FNDC11: variants seen among roughly 807,000 people sequenced by gnomAD.
The protein encoded by FNDC11 is fibronectin type III domain-containing protein 11.
FNDC11 carries 15 observed loss-of-function variants against 15.8 expected under a neutral mutation model. The observed-to-expected ratio is 0.95, with a 90% CI of 0.63 to 1.46. The LOEUF is 1.46. FNDC11 is among the 40% of genes most tolerant of loss of function. The probability of loss-of-function intolerance (pLI) is 0.00; values close to 1 mark genes in which losing one functional copy is unlikely to be tolerated. For synonymous variants in FNDC11, 190 were observed against 203.1 expected (o/e 0.94, Z 0.55); for missense variants, 416 against 443.4 (o/e 0.94, Z 0.55).
Position 63,555,909 on chromosome 20 carries a change from CA to C in FNDC11, c.248del (p.Lys83SerfsTer29), listed in dbSNP as rs1451558278. 5 of 1,608,326 alleles carry C rather than the reference CA, an allele frequency of 3.1e-6. No individual in the cohort carries two copies. The highest frequency in any genetic ancestry group is 1.3e-5 in the African/African-American group (1 of 75,074). ...KCSYYIEVLP[K>X]HLALGDQNPL... The stretch of plus-strand genomic sequence containing the variant: ...GCTCCTACTACATCGAGGTCCTGCC[CA>C]AGCACCTGGCCCTGGGCGACCAGAA... On this transcript the variant is annotated frameshift_variant, in exon 2 of 2. Transcript: ENST00000370097. LOFTEE classifies it high-confidence loss of function.
intron 1 of FNDC11, chr20:63,554,510 G>T (rs569989873): frequency 1.3e-5 from 2 of 152,274 alleles, no homozygotes; most frequent in East Asian, 3.8e-4. Context: ...CGTCACAGAG[G>T]CACGGTTTCC....
At position 63,556,419 on chromosome 20, in the gene FNDC11, G is replaced by A. The variant is rs1471712748; in HGVS notation, c.756G>A (p.Gln252=). 4.3e-6 allele frequency: 7 copies of A among 1,613,222 alleles called. No individual in the cohort carries two copies. The East Asian group carries it at 8.9e-5, about 21-fold the overall frequency. The change falls in exon 2 of 2, where the codon CAG becomes CAA. Residue 252 remains glutamine (Q), a synonymous_variant. Transcript: ENST00000370097. ...LRFRLLDPRT[Q]QECAQCGVIP... ...TCAGGCTGCTGGACCCGCGGACACA[G>A]CAGGAGTGCGCCCAGTGTGGCGTCA...
At chr20:63,555,430 A>C in intron 1 of FNDC11, 1 of 639,064 alleles carries the variant, frequency 1.6e-6, no homozygotes, top group Non-Finnish European at 2.6e-6. Context: ...CCTGTCCCAC[A>C]GGCCACTGGT....
rs374916539 is a variant in FNDC11, at chr20:63,556,158, C to T, written c.495C>T (p.Asp165=). 2.2e-5 allele frequency: 35 copies of T among 1,594,312 alleles called. No homozygotes were observed. Among genetic ancestry groups the T allele is most frequent in the African/African-American group, 6.7e-5 (5 of 74,726 alleles). Residue 165 remains aspartate (D), a synonymous_variant, in exon 2 of 2, where the codon GAC becomes GAT. Coordinates refer to ENST00000370097, the MANE Select transcript of FNDC11 (RefSeq NM_001319152.2). ...DWALVERRLA[D]VSAVMDSFLT... ...CGCTGGTGGAGCGGCGGCTGGCGGA[C>T]GTGTCGGCCGTCATGGACAGCTTCC...
intron 1 of FNDC11, chr20:63,555,230 G>A (rs919520442): frequency 2.3e-5 from 4 of 173,596 alleles, no homozygotes; most frequent in African/African-American, 7.1e-5. Context: ...AGGGAGAACC[G>A]GAGCGGGAGG....
chr20:63,556,210 C>T lies in FNDC11; in HGVS notation c.547C>T (p.His183Tyr). The T allele has an allele frequency of 1.9e-6, 3 of 1,595,078 alleles. No homozygotes were observed. The highest frequency in any genetic ancestry group is 2.6e-6 in the Non-Finnish European group (3 of 1,167,454). Residue 183 changes from histidine to tyrosine, a missense_variant, in exon 2 of 2, where the codon CAC becomes TAC. Physicochemically the swap from His to Tyr is moderately conservative, Grantham distance 83 (BLOSUM62 2). Transcript: ENST00000370097. Reference protein sequence around the residue: ...FLTMMVPGRLHVKHRLVSDVS... With the variant: ...FLTMMVPGRLYVKHRLVSDVS... ...GACCATGATGGTGCCGGGGCGGCTA[C>T]ACGTCAAGCACCGCCTGGTGTCTGA...
Position 63,556,148 on chromosome 20 carries a change from G to A in FNDC11, c.485G>A (p.Arg162Gln), listed in dbSNP as rs771109338. 1.1e-5 allele frequency: 18 copies of A among 1,594,246 alleles called. No individual in the cohort carries two copies. The highest frequency in any genetic ancestry group is 1.7e-4 in the Middle Eastern group (1 of 6,048). ...GCCGACTGGGCGCTGGTGGAGCGGC[G>A]GCTGGCGGACGTGTCGGCCGTCATG... The part of the protein sequence containing the change: ...FLADWALVER[R>Q]LADVSAVMDS... The change falls in exon 2 of 2, where the codon CGG becomes CAG. Residue 162 changes from arginine to glutamine, a missense_variant. By Grantham distance (43) the Arg-to-Gln change is conservative. Coordinates refer to ENST00000370097, the MANE Select transcript of FNDC11 (RefSeq NM_001319152.2).
rs1419907640 is a variant in FNDC11, at chr20:63,555,798, C to A, written c.135C>A (p.Arg45=). ...PEAWKTYTER[R]NALREFLTSD... is the part of the protein sequence containing the mutation. ...CGTGGAAGACCTACACCGAGCGCCG[C>A]AATGCCCTGCGTGAGTTCCTGACCT... The change falls in exon 2 of 2, where the codon CGC becomes CGA. Residue 45 remains arginine (R), a synonymous_variant. Transcript: ENST00000370097. 1.2e-6 allele frequency: 2 copies of A among 1,613,436 alleles called. No individual in the cohort carries two copies. The highest frequency in any genetic ancestry group is 2.7e-5 in the African/African-American group (2 of 74,960).
chr20:63,555,496 C>T, intron 1 of FNDC11, 158 bp from the exon 2 acceptor site: 1 of 1,211,666 alleles, frequency 8.3e-7, no homozygotes, highest in Admixed American at 2.9e-5. Context: ...TGTAGGCTGC[C>T]CATCCAGCCC....
At chr20:63,554,641 GT>G (rs1244563875) in intron 1 of FNDC11, 2 of 152,298 alleles carry the variant, frequency 1.3e-5, no homozygotes, top group Non-Finnish European at 2.9e-5. Flanking sequence ...CCAGGGGCCT[GT>G]TCTCGAGGGA....
chr20:63,555,291 C>T (rs556993922), intron 1 of FNDC11: 15 of 256,076 alleles, frequency 5.9e-5, no homozygotes, highest in South Asian at 5.0e-4. Flanking sequence ...AGGACCACGC[C>T]GTCCCCTCTC....
rs763759346 is a variant in FNDC11 at position 63,556,418 on chromosome 20, A to G, written c.755A>G (p.Gln252Arg). 3.1e-6 allele frequency: 5 copies of G among 1,613,152 alleles called. No individual in the cohort carries two copies. The African/African-American group carries it at 4.0e-5, about 13-fold the overall frequency. ...LRFRLLDPRT[Q>R]QECAQCGVIP... ...TTCAGGCTGCTGGACCCGCGGACAC[A>G]GCAGGAGTGCGCCCAGTGTGGCGTC... The change falls in exon 2 of 2, where the codon CAG becomes CGG. Residue 252 changes from glutamine to arginine, a missense_variant. Gln to Arg is a conservative substitution (Grantham distance 43). Transcript: ENST00000370097.
At position 63,556,311 on chromosome 20, in the gene FNDC11, G is replaced by T; in HGVS notation, c.648G>T (p.Ala216=). The T allele has an allele frequency of 6.2e-7, 1 of 1,606,400 alleles. No homozygotes were observed. Among genetic ancestry groups the T allele is most frequent in the South Asian group, 1.1e-5 (1 of 90,970 alleles). ...TKMPVVFDRK[A]SAAHQDWARL... ...TGCCTGTCGTGTTTGACCGAAAGGC[G>T]TCGGCGGCTCACCAGGACTGGGCCC... Residue 216 remains alanine, a synonymous_variant, in exon 2 of 2, where the codon GCG becomes GCT. Transcript: ENST00000370097.
At position 63,556,145 on chromosome 20, in the gene FNDC11, G is replaced by A. The variant is rs1457030149; in HGVS notation, c.482G>A (p.Arg161Gln). ...CTGGCCGACTGGGCGCTGGTGGAGC[G>A]GCGGCTGGCGGACGTGTCGGCCGTC... is the stretch of plus-strand genomic sequence containing the variant. ...PFLADWALVE[R>Q]RLADVSAVMD... The change falls in exon 2 of 2, where the codon CGG becomes CAG. Residue 161 changes from arginine to glutamine, a missense_variant. Arg to Gln is a conservative substitution (Grantham distance 43, BLOSUM62 1). Transcript: ENST00000370097. The A allele has an allele frequency of 1.9e-5, 31 of 1,593,406 alleles. No individual in the cohort carries two copies. Among genetic ancestry groups the A allele is most frequent in the Non-Finnish European group, 2.6e-5 (30 of 1,172,378 alleles).
chr20:63,556,422 G>T lies in FNDC11; in HGVS notation c.759G>T (p.Gln253His), dbSNP rs753673662. 9.3e-6 allele frequency: 15 copies of T among 1,613,298 alleles called. No homozygotes were observed. The East Asian group carries it at 3.1e-4, about 34-fold the overall frequency. ...RFRLLDPRTQ[Q>H]ECAQCGVIPV... ...GGCTGCTGGACCCGCGGACACAGCA[G>T]GAGTGCGCCCAGTGTGGCGTCATCC... The change falls in exon 2 of 2, where the codon CAG (glutamine) becomes CAT (histidine). Residue 253 changes from glutamine to histidine, a missense_variant. Gln to His is a conservative substitution (Grantham distance 24). Transcript: ENST00000370097.
chr20:63,556,650 T>C lies in FNDC11; in HGVS notation c.*30T>C. ...TGATTTTCTAATATTTATCCACTAA[T>C]AAAGAAGAGTGTAAATGCACATATG... is the stretch of plus-strand genomic sequence containing the variant. On this transcript the variant is annotated 3_prime_UTR_variant, in exon 2 of 2. Coordinates refer to ENST00000370097, the MANE Select transcript of FNDC11 (RefSeq NM_001319152.2). The C allele has an allele frequency of 1.3e-6, 2 of 1,570,540 alleles. No homozygotes were observed. Among genetic ancestry groups the C allele is most frequent in the Non-Finnish European group, 1.7e-6 (2 of 1,149,326 alleles).
chr20:63,556,692 C>T lies in FNDC11; in HGVS notation c.*72C>T, dbSNP rs2082819158. On this transcript the variant is annotated 3_prime_UTR_variant, in exon 2 of 2. Coordinates refer to ENST00000370097, the MANE Select transcript of FNDC11 (RefSeq NM_001319152.2). ...GCACATATGGAATTAAAGAAGCAAA[C>T]CTATTTATGTTTTAAAGGCAGCAGC... 7.1e-7 allele frequency: 1 copy of T among 1,404,288 alleles called. No individual in the cohort carries two copies. Among genetic ancestry groups the T allele is most frequent in the Non-Finnish European group, 9.8e-7 (1 of 1,024,062 alleles). 87.0% of individuals were successfully genotyped at this position (1,404,288 alleles called of 1,614,324 possible).
In FNDC11 at chr20:63,555,912, G is replaced by T. The variant is rs761948273; in HGVS notation, c.249G>T (p.Lys83Asn). The T allele has an allele frequency of 6.2e-7, 1 of 1,608,010 alleles. No individual in the cohort carries two copies. Among genetic ancestry groups the T allele is most frequent in the South Asian group, 1.1e-5 (1 of 91,088 alleles). Residue 83 changes from lysine (K) to asparagine (N), a missense_variant, in exon 2 of 2, where the codon AAG becomes AAT. Lys to Asn is a moderately conservative substitution (Grantham distance 94, BLOSUM62 0). Transcript: ENST00000370097. ...KCSYYIEVLP[K>N]HLALGDQNPL... The stretch of plus-strand genomic sequence containing the variant: ...CCTACTACATCGAGGTCCTGCCCAA[G>T]CACCTGGCCCTGGGCGACCAGAACC...
At chr20:63,555,289 G>A (rs535547895) in intron 1 of FNDC11, 13 of 249,120 alleles carry the variant, frequency 5.2e-5, no homozygotes, top group Non-Finnish European at 8.6e-5. Context: ...TTAGGACCAC[G>A]CCGTCCCCTC....
Sources: allele counts gnomAD v4.1 joint callset, GRCh38; gene constraint gnomAD v4.1.1; transcripts MANE v1.5; gene names NCBI Gene and HGNC (gene_info 2026-07-23, HGNC 2026-07-21).